The following BAHCC1 variants were observed in gnomAD, a reference collection of about 807,000 sequenced individuals.
BAHCC1 encodes the protein BAH and coiled-coil domain-containing protein 1.
In BAHCC1, 43 loss-of-function variants were observed where a neutral mutation model predicts 88.2. That is an observed-to-expected ratio of 0.49 (90% CI 0.38 to 0.63). The LOEUF (loss-of-function observed/expected upper bound fraction) is 0.63, where lower values mean the gene tolerates loss of function less well. Among genes scored for constraint, BAHCC1 ranks in the 20% least tolerant of loss-of-function variants. The pLI is 0.00. For synonymous variants in BAHCC1, 1,510 were observed against 745.5 expected (o/e 2.03, Z -16.71); for missense variants, 3,023 against 1,654.8 (o/e 1.83, Z -14.34).
At chr17:81,450,550 C>A (rs565063797) in intron 11 of BAHCC1, among the ~76,000 whole-genome samples, 1 of 152,208 alleles carries the variant, frequency 6.6e-6, no homozygotes, top group African/African-American at 2.4e-5. Flanking sequence ...CCTGGCAGCC[C>A]CTTCCTCCTG....
chr17:81,435,287 A>T lies in BAHCC1; in HGVS notation c.359-3083A>T, dbSNP rs1198539672. The stretch of plus-strand genomic sequence containing the variant: ...GGCCCCCTGGCTTTACTAACCCATC[A>T]GGTGCCTGTGGCTTTGAGCCTCTGT... On this transcript the variant is annotated intron_variant, in intron 3 of 27. Transcript: ENST00000675386. The surrounding 1 kb of genome is among the most constrained non-coding windows in gnomAD (Gnocchi z 4.4). Among the ~76,000 whole-genome samples, 3 of 152,010 alleles carry T rather than the reference A, an allele frequency of 2.0e-5. No homozygotes were observed. The highest frequency in any genetic ancestry group is 6.3e-3 in the Middle Eastern group (2 of 316).
rs782449191 is a variant in BAHCC1, at chr17:81,444,816, C to A, written c.2661C>A (p.Pro887=). 3 of 776,284 alleles carry A rather than the reference C, an allele frequency of 3.9e-6. No homozygotes were observed. In the East Asian group the frequency reaches 7.3e-5, roughly 19 times the overall value. 48.1% of individuals were successfully genotyped at this position (776,284 alleles called of 1,614,324 possible). A position where few individuals can be genotyped will look rare whatever the true frequency, so the allele number is the denominator to read the frequency against. The stretch of plus-strand genomic sequence containing the variant: ...CAGAGCCCACACCCCACAGCGCCCC[C>A]CACGCACTTGGTAAGGGCCCCTGGT... ...LPSEPTPHSA[P]HALADVMDQA... Residue 887 remains proline, a synonymous_variant, in exon 8 of 28, where the codon CCC becomes CCA. Transcript: ENST00000675386.
In BAHCC1 at chr17:81,461,518, C is replaced by T; in HGVS notation, c.6855C>T (p.Asp2285=). The T allele has an allele frequency of 1.4e-6, 1 of 738,780 alleles. No individual in the cohort carries two copies. Among genetic ancestry groups the T allele is most frequent in the Non-Finnish European group, 2.5e-6 (1 of 397,176 alleles). 45.8% of individuals were successfully genotyped at this position (738,780 alleles called of 1,614,324 possible). ...AGQAEFPLPY[D]SDCHSSFSDE... is the part of the protein sequence containing the mutation. ...AGGCAGAGTTCCCGCTGCCCTACGA[C>T]AGCGACTGCCACAGCTCCTTCTCGG... is the stretch of plus-strand genomic sequence containing the variant. The change falls in exon 26 of 28, where the codon GAC becomes GAT. Residue 2285 remains aspartate, a synonymous_variant. Coordinates refer to ENST00000675386, the MANE Select transcript of BAHCC1 (RefSeq NM_001377448.1).
At chr17:81,419,857 G>C (rs2064094456) in intron 2 of BAHCC1, among the ~76,000 whole-genome samples, 2 of 150,970 alleles carry the variant, frequency 1.3e-5, no homozygotes, top group South Asian at 2.1e-4. Flanking sequence ...TGTCTCGGCG[G>C]CTCACTTAAC....
In BAHCC1 at chr17:81,451,855, C is replaced by T. The variant is rs1555655865; in HGVS notation, c.4164C>T (p.Thr1388=). ...MQILQRKDTW[T]PKTKPVCPLK... is the part of the protein sequence containing the mutation. ...TCCTGCAGCGCAAGGACACCTGGAC[C>T]CCCAAGACCAAGCCTGTGAGTGGAG... The change falls in exon 12 of 28, where the codon ACC becomes ACT. Residue 1388 remains threonine, a synonymous_variant. Transcript: ENST00000675386. 2 of 743,964 alleles carry T rather than the reference C, an allele frequency of 2.7e-6. No homozygotes were observed. The highest frequency in any genetic ancestry group is 4.9e-6 in the Non-Finnish European group (2 of 407,424). The allele number at this position is 743,964 out of a possible 1,614,324, so 46.1% of individuals were successfully genotyped here. A position where few individuals can be genotyped will look rare whatever the true frequency, so the allele number is the denominator to read the frequency against.
At chr17:81,460,429 G>A in intron 24 of BAHCC1, 33 bp downstream of exon 24, 1 of 739,468 alleles carries the variant, frequency 1.4e-6, no homozygotes, top group South Asian at 1.4e-5. Flanking sequence ...GCAGGGCCCT[G>A]CCTGGGCTCC....
chr17:81,455,004 G>C (rs1555656861), intron 14 of BAHCC1, among the ~76,000 whole-genome samples: 2 of 152,250 alleles, frequency 1.3e-5, no homozygotes, highest in African/African-American at 4.8e-5. Context: ...ATAGCCAAGT[G>C]GGGGATGGGG....
At chr17:81,416,011 T>C (rs540120609) in intron 2 of BAHCC1, among the ~76,000 whole-genome samples, 37 of 151,316 alleles carry the variant, frequency 2.4e-4, no homozygotes, top group Admixed American at 2.2e-3. Context: ...TATGCGCGTG[T>C]GTGTGTGTCC....
chr17:81,427,577 G>T (rs1295903481), intron 3 of BAHCC1, among the ~76,000 whole-genome samples: 2 of 152,178 alleles, frequency 1.3e-5, no homozygotes, highest in African/African-American at 4.8e-5. Flanking sequence ...CCTTTCCGTG[G>T]CAGGGCACCC....
intron 2 of BAHCC1, among the ~76,000 whole-genome samples, chr17:81,407,570 G>C (rs2063896751): frequency 6.6e-6 from 1 of 152,226 alleles, no homozygotes; most frequent in African/African-American, 2.4e-5. Context: ...CCCAGGATGG[G>C]GGTGCCATGG....
chr17:81,425,966 G>A (rs2064188334), intron 2 of BAHCC1, among the ~76,000 whole-genome samples: 1 of 149,580 alleles, frequency 6.7e-6, no homozygotes, highest in Non-Finnish European at 1.5e-5. Context: ...TGATGTGGTT[G>A]GTGGTGATAG....
intron 3 of BAHCC1, among the ~76,000 whole-genome samples, chr17:81,433,254 AAC>A (rs1398403485): frequency 2.0e-5 from 3 of 151,996 alleles, no homozygotes; most frequent in Admixed American, 1.3e-4. Flanking sequence ...TGCACTTTGA[AAC>A]ACAGCCTGGA....
intron 11 of BAHCC1, among the ~76,000 whole-genome samples, chr17:81,448,192 C>A (rs1219885212): frequency 6.6e-6 from 1 of 152,216 alleles, no homozygotes; most frequent in Non-Finnish European, 1.5e-5. Flanking sequence ...TGCCGCCTGC[C>A]TCCTGCTCTG....
rs901395687 is a variant in BAHCC1 at position 81,445,111 on chromosome 17, C to G, written c.2768C>G (p.Ser923Trp). The change falls in exon 9 of 28, where the codon TCG (serine) becomes TGG (tryptophan). Residue 923 changes from serine (S) to tryptophan (W), a missense_variant. Ser to Trp is a radical substitution (Grantham distance 177). Coordinates refer to ENST00000675386, the MANE Select transcript of BAHCC1 (RefSeq NM_001377448.1). The stretch of plus-strand genomic sequence containing the variant: ...CACCCGGGCCAGCTCCCTGTGTACT[C>G]GAGGCCGCAGCTCCTCCGGCAGCAG... ...MQHPGQLPVY[S>W]RPQLLRQQEL... 2.6e-6 allele frequency: 2 copies of G among 773,124 alleles called. No homozygotes were observed. Among genetic ancestry groups the G allele is most frequent in the African/African-American group, 3.4e-5 (2 of 59,006 alleles). 47.9% of individuals were successfully genotyped at this position (773,124 alleles called of 1,614,324 possible).
intron 2 of BAHCC1, among the ~76,000 whole-genome samples, chr17:81,425,254 AT>A (rs2064168385): frequency 1.7e-4 from 1 of 5,938 alleles, no homozygotes; most frequent in African/African-American, 6.0e-4. Context: ...GATAGTGGTG[AT>A]GATGTGGTTG....
rs782729026 is a variant in BAHCC1, at chr17:81,459,631, G to A, written c.5905+27G>A. The A allele has an allele frequency of 1.2e-5, 9 of 779,158 alleles. No homozygotes were observed. In the East Asian group the frequency reaches 1.7e-4, roughly 15 times the overall value. The allele number at this position is 779,158 out of a possible 1,614,324, so 48.3% of individuals were successfully genotyped here. ...TAAGTTGCACCCAAAGCGGGGGCTGGGGCAGGCCCCTCTGAGACCCACAGG... is the reference window on the plus strand; with the variant it reads ...TAAGTTGCACCCAAAGCGGGGGCTGAGGCAGGCCCCTCTGAGACCCACAGG... On this transcript the variant is annotated intron_variant, in intron 23 of 27. Coordinates refer to ENST00000675386, the MANE Select transcript of BAHCC1 (RefSeq NM_001377448.1).
chr17:81,425,452 TGATAGTGGTG>T, intron 2 of BAHCC1, among the ~76,000 whole-genome samples: 1 of 50,448 alleles, frequency 2.0e-5, no homozygotes. Flanking sequence ...TGGTTGGGGG[TGATAGTGGTG>T]GGTGATGTGG....
In BAHCC1 at chr17:81,411,216, G is replaced by C. The variant is rs2063945981; in HGVS notation, c.178+11299G>C. On this transcript the variant is annotated intron_variant, in intron 2 of 27. Coordinates refer to ENST00000675386, the MANE Select transcript of BAHCC1 (RefSeq NM_001377448.1). This position sits in a 1 kb window ranked among gnomAD's most constrained non-coding sequence, Gnocchi z 6.2. ...GGTCTGCGCCACCTGGGCATGCCCA[G>C]TGGGGCCCCAGGAGGACTCGCCACC... is the stretch of plus-strand genomic sequence containing the variant. 5 of 516,170 alleles carry C rather than the reference G, an allele frequency of 9.7e-6. No individual in the cohort carries two copies. The highest frequency in any genetic ancestry group is 1.9e-5 in the Non-Finnish European group (5 of 259,256). The allele number at this position is 516,170 out of a possible 1,614,324, so 32.0% of individuals were successfully genotyped here.
intron 2 of BAHCC1, among the ~76,000 whole-genome samples, chr17:81,400,293 C>A (rs1598445231): frequency 6.6e-6 from 1 of 152,232 alleles, no homozygotes; most frequent in Non-Finnish European, 1.5e-5. Flanking sequence ...GACAACGAGG[C>A]GCTTTCTGCG....
Sources: allele counts gnomAD v4.1 joint callset (sites outside exome capture counted in the v4.1 genomes callset), GRCh38; gene constraint gnomAD v4.1.1; non-coding constraint Gnocchi (gnomAD v3.1); transcripts MANE v1.5; gene names NCBI Gene and HGNC (gene_info 2026-07-23, HGNC 2026-07-21).